FRAS1: variants seen among roughly 807,000 people sequenced by gnomAD.
The protein encoded by FRAS1 is extracellular matrix organizing protein FRAS1.
FRAS1 carries 290 observed loss-of-function variants against 435.2 expected under a neutral mutation model. The ratio of observed to expected loss-of-function variants is 0.67; its 90% CI spans 0.61 to 0.73. The LOEUF (loss-of-function observed/expected upper bound fraction) is 0.73, where lower values mean the gene tolerates loss of function less well. Among genes scored for constraint, FRAS1 ranks in the 30% least tolerant of loss-of-function variants. The pLI, the probability that FRAS1 is intolerant of heterozygous loss-of-function variation, is 0.00. For missense variants in FRAS1, 4,860 were observed against 5,001.5 expected (o/e 0.97, Z 0.85); for synonymous variants, 1,800 against 1,851.0 (o/e 0.97, Z 0.71).
intron 59 of FRAS1, among the ~76,000 whole-genome samples, chr4:78,495,545 G>T (rs1316838232): frequency 6.6e-6 from 1 of 152,112 alleles, no homozygotes; most frequent in Non-Finnish European, 1.5e-5. Context: ...CTGGTGACAG[G>T]TTGAAATGTG....
intron 29 of FRAS1, among the ~76,000 whole-genome samples, chr4:78,396,242 C>T (rs1732658072): frequency 6.6e-6 from 1 of 152,170 alleles, no homozygotes; most frequent in Non-Finnish European, 1.5e-5. Context: ...TTTCTTCTAA[C>T]TTTTACACTA....
rs551380964 is a variant in FRAS1, at chr4:78,537,126, A to T, written c.11224A>T (p.Thr3742Ser). ...TGTGCCTTTCTTTGATCCCACGGGG[A>T]CAATCTACAATGAAGGGCCCCAGTA... ...GYVPFFDPTG[T>S]IYNEGPQYGC... The change falls in exon 72 of 74, where the codon ACA becomes TCA. Residue 3742 changes from threonine (T) to serine (S), a missense_variant. Coordinates refer to ENST00000512123, the MANE Select transcript of FRAS1 (RefSeq NM_025074.7). The T allele has an allele frequency of 9.9e-6, 16 of 1,614,000 alleles. No homozygotes were observed. The highest frequency in any genetic ancestry group is 1.4e-5 in the Non-Finnish European group (16 of 1,179,884).
At chr4:78,484,698 C>T (rs779398347) in intron 58 of FRAS1, among the ~76,000 whole-genome samples, 11 of 152,154 alleles carry the variant, frequency 7.2e-5, no homozygotes, top group Non-Finnish European at 1.5e-4. Flanking sequence ...TCCAAGTTTA[C>T]AAAGCAATCC....
chr4:78,082,390 G>A (rs758956736), intron 2 of FRAS1, among the ~76,000 whole-genome samples: 3 of 152,190 alleles, frequency 2.0e-5, no homozygotes, highest in East Asian at 1.9e-4. Context: ...CATTTGTAAT[G>A]TTTCCTGTGA....
intron 27 of FRAS1, among the ~76,000 whole-genome samples, chr4:78,381,977 GA>G (rs1732039201): frequency 6.6e-6 from 1 of 152,180 alleles, no homozygotes; most frequent in African/African-American, 2.4e-5. Context: ...TGAAGTCTCT[GA>G]ATAATGCAAA....
At chr4:78,181,148 G>A in intron 2 of FRAS1, 1 of 1,585,464 alleles carries the variant, frequency 6.3e-7, no homozygotes, top group Non-Finnish European at 8.7e-7. Flanking sequence ...CTGCCCATCA[G>A]CACCTTCATT....
At chr4:78,104,185 T>G (rs897137057) in intron 2 of FRAS1, among the ~76,000 whole-genome samples, 3 of 152,218 alleles carry the variant, frequency 2.0e-5, no homozygotes, top group Non-Finnish European at 4.4e-5. Flanking sequence ...ATAAGATGTT[T>G]AGAAAATAAA....
At chr4:78,391,176 G>C (rs1040950217) in intron 29 of FRAS1, among the ~76,000 whole-genome samples, 22 of 152,202 alleles carry the variant, frequency 1.4e-4, no homozygotes, top group Admixed American at 5.9e-4. Flanking sequence ...GGAATGGGTA[G>C]AGGAGCTGTC....
At chr4:78,124,297 T>C (rs898296453) in intron 2 of FRAS1, among the ~76,000 whole-genome samples, 1 of 152,194 alleles carries the variant, frequency 6.6e-6, no homozygotes, top group Non-Finnish European at 1.5e-5. Flanking sequence ...ATATGTTGAA[T>C]CAGCCTTGCA....
At chr4:78,482,579 T>C in intron 58 of FRAS1, 44 bp downstream of exon 58, 4 of 1,578,120 alleles carry the variant, frequency 2.5e-6, no homozygotes, top group South Asian at 1.2e-5. Flanking sequence ...AATATATTTC[T>C]ATTTTTTCTT....
At chr4:78,467,404 C>G (rs939368824) in intron 50 of FRAS1, among the ~76,000 whole-genome samples, 7 of 152,176 alleles carry the variant, frequency 4.6e-5, no homozygotes, top group Non-Finnish European at 1.0e-4. Flanking sequence ...GACTGAATCT[C>G]ATTCTTTTTT....
intron 70 of FRAS1, among the ~76,000 whole-genome samples, chr4:78,531,376 G>A (rs1269975470): frequency 2.6e-5 from 4 of 152,060 alleles, no homozygotes; most frequent in Non-Finnish European, 4.4e-5. Context: ...CCAATACTAC[G>A]TTGAATAGGA....
At chr4:78,461,956 G>A (rs992753008) in intron 47 of FRAS1, among the ~76,000 whole-genome samples, 1 of 152,118 alleles carries the variant, frequency 6.6e-6, no homozygotes, top group Admixed American at 6.5e-5. Flanking sequence ...GTTGGGGTAG[G>A]CGACGGGAAA....
chr4:78,098,041 T>C (rs1741904596), intron 2 of FRAS1, among the ~76,000 whole-genome samples: 1 of 151,968 alleles, frequency 6.6e-6, no homozygotes, highest in Non-Finnish European at 1.5e-5. Flanking sequence ...TAAATTTCTG[T>C]TTAAGCCACT....
rs1720253387 is a variant in FRAS1, at chr4:78,488,870, C to CCA, written c.8753-4_8753-3insAC. ...GTGCGTCTGTCTTTCTGTCTGCCCA[C>CCA]CTAGTGCCCAGCATGCAGTTTGCCA... On this transcript the variant is annotated splice_polypyrimidine_tract_variant and splice_region_variant and intron_variant, in intron 58 of 73. Transcript: ENST00000512123. 1.2e-6 allele frequency: 2 copies of CCA among 1,610,946 alleles called. No individual in the cohort carries two copies. The highest frequency in any genetic ancestry group is 2.7e-5 in the African/African-American group (2 of 74,978).
Position 78,255,346 on chromosome 4 carries a change from G to A in FRAS1, c.574G>A (p.Ala192Thr), listed in dbSNP as rs1463294046. 2 of 1,590,848 alleles carry A rather than the reference G, an allele frequency of 1.3e-6. No individual in the cohort carries two copies. Among genetic ancestry groups the A allele is most frequent in the Non-Finnish European group, 1.7e-6 (2 of 1,168,204 alleles). Residue 192 changes from alanine (A) to threonine (T), a missense_variant, in exon 6 of 74, where the codon GCT becomes ACT. By Grantham distance (58) the Ala-to-Thr change is moderately conservative. Transcript: ENST00000512123. ...CRNGVAQCFTAQCQPLFCNQD... is the reference protein window; with the variant it reads ...CRNGVAQCFTTQCQPLFCNQD... Reference sequence around the variant, plus strand: ...AAATGGGGTTGCCCAGTGCTTCACAGCTCAGTGTCAGCCTCTATTTTGTAA... The same window carrying A: ...AAATGGGGTTGCCCAGTGCTTCACAACTCAGTGTCAGCCTCTATTTTGTAA...
intron 1 of FRAS1, among the ~76,000 whole-genome samples, chr4:78,065,082 A>ATATATG (rs1739952203): frequency 2.3e-5 from 2 of 86,074 alleles, no homozygotes; most frequent in African/African-American, 5.2e-5. Context: ...ATATATATAT[A>ATATATG]TACATACACA....
chr4:78,486,127 G>A (rs1720161189), intron 58 of FRAS1, among the ~76,000 whole-genome samples: 1 of 152,124 alleles, frequency 6.6e-6, no homozygotes, highest in Non-Finnish European at 1.5e-5. Context: ...GTGCATCTGT[G>A]GCAAACATAC....
At chr4:78,321,716 G>A (rs1281775469) in intron 18 of FRAS1, among the ~76,000 whole-genome samples, 3 of 151,628 alleles carry the variant, frequency 2.0e-5, no homozygotes, top group Admixed American at 2.0e-4. Flanking sequence ...ATGGTGGCAC[G>A]TGCCTGTAGT....
Sources: allele counts gnomAD v4.1 joint callset (sites outside exome capture counted in the v4.1 genomes callset), GRCh38; gene constraint gnomAD v4.1.1; transcripts MANE v1.5; gene names NCBI Gene and HGNC (gene_info 2026-07-23, HGNC 2026-07-21).